The following SYNPO2 variants were observed in gnomAD, a reference collection of about 807,000 sequenced individuals.
The protein encoded by SYNPO2 is synaptopodin 2.
A neutral mutation model predicts 85.0 loss-of-function variants in SYNPO2; 56 were observed. The observed-to-expected ratio is 0.66, with a 90% CI of 0.53 to 0.82. SYNPO2 has a LOEUF of 0.82. Among genes scored for constraint, SYNPO2 ranks in the 40% least tolerant of loss-of-function variants. SYNPO2 has a pLI of 0.00. For synonymous variants in SYNPO2, 602 were observed against 591.1 expected (o/e 1.02, Z -0.27); for missense variants, 1,575 against 1,534.2 (o/e 1.03, Z -0.44).
At chr4:118,902,019 C>A (rs1325501718) in intron 1 of SYNPO2, among the ~76,000 whole-genome samples, 1 of 84,458 alleles carries the variant, frequency 1.2e-5, no homozygotes, top group Non-Finnish European at 2.4e-5. Flanking sequence ...CAGAAGTGTG[C>A]TTGGTATGGT....
chr4:118,943,516 C>A (rs1734392964), intron 1 of SYNPO2, among the ~76,000 whole-genome samples: 1 of 152,170 alleles, frequency 6.6e-6, no homozygotes, highest in Admixed American at 6.5e-5. Flanking sequence ...AAGTTGCTCT[C>A]TTTAAAATTT....
At chr4:118,861,904 T>C (rs1243448662) in intron 1 of SYNPO2, among the ~76,000 whole-genome samples, 1 of 152,192 alleles carries the variant, frequency 6.6e-6, no homozygotes, top group African/African-American at 2.4e-5. Flanking sequence ...CAATAGCGAT[T>C]GCATTAAATC....
At chr4:118,953,062 A>T (rs1272359672) in intron 1 of SYNPO2, among the ~76,000 whole-genome samples, 9 of 152,150 alleles carry the variant, frequency 5.9e-5, no homozygotes, top group South Asian at 4.1e-4. Flanking sequence ...AGAAAACAAG[A>T]TTATAGTTCC....
At chr4:118,856,986 C>A (rs1009502075) in intron 1 of SYNPO2, among the ~76,000 whole-genome samples, 1 of 151,918 alleles carries the variant, frequency 6.6e-6, no homozygotes, top group Non-Finnish European at 1.5e-5. Flanking sequence ...GCTCTTTATT[C>A]ATAAATGTAT....
intron 1 of SYNPO2, among the ~76,000 whole-genome samples, chr4:118,971,780 C>G (rs970479283): frequency 1.3e-5 from 2 of 152,200 alleles, no homozygotes; most frequent in Non-Finnish European, 2.9e-5. Flanking sequence ...AATAATGGCT[C>G]AATGACTCAG....
At chr4:118,863,230 A>G (rs1287491863) in intron 1 of SYNPO2, among the ~76,000 whole-genome samples, 3 of 152,076 alleles carry the variant, frequency 2.0e-5, no homozygotes, top group Non-Finnish European at 4.4e-5. Flanking sequence ...TTTGAGTAGG[A>G]TTTGTATTTG....
In SYNPO2 at chr4:119,030,661, C is replaced by G. The variant is rs372370554; in HGVS notation, c.1886C>G (p.Pro629Arg). ...CCTTACTCTGCAGTCACTCCTCCCCCTGACGCCTTCTCCAGAGGGGTTTCA... is the reference window on the plus strand; with the variant it reads ...CCTTACTCTGCAGTCACTCCTCCCCGTGACGCCTTCTCCAGAGGGGTTTCA... Reference protein sequence around the residue: ...PPPYSAVTPPPDAFSRGVSSP... With the variant: ...PPPYSAVTPPRDAFSRGVSSP... The change falls in exon 4 of 5, where the codon CCT becomes CGT. Residue 629 changes from proline to arginine, a missense_variant. This residue lies in a region of SYNPO2 where 1,508 missense variants were observed against 1,446.8 expected (regional missense o/e 1.04). Transcript: ENST00000307142. 4.3e-5 allele frequency: 69 copies of G among 1,614,080 alleles called. No individual in the cohort carries two copies. The highest frequency in any genetic ancestry group is 5.6e-5 in the Non-Finnish European group (66 of 1,180,040).
chr4:118,872,586 G>A (rs775526795), intron 1 of SYNPO2, among the ~76,000 whole-genome samples: 62 of 152,194 alleles, frequency 4.1e-4, no homozygotes, highest in Non-Finnish European at 1.0e-4. Flanking sequence ...TAACTTTTAC[G>A]CAGATAAGAC....
chr4:118,917,350 C>T lies in SYNPO2; in HGVS notation c.105+28209C>T, dbSNP rs1578548301. Reference sequence around the variant, plus strand: ...AGTTTGCAGTGAGCCAAGATCGCACCATTGGACTCTAGCCTGGGTAATAAG... The same window carrying T: ...AGTTTGCAGTGAGCCAAGATCGCACTATTGGACTCTAGCCTGGGTAATAAG... On this transcript the variant is annotated intron_variant, in intron 1 of 4. Coordinates refer to ENST00000307142, the MANE Select transcript of SYNPO2 (RefSeq NM_133477.3). Among the ~76,000 whole-genome samples the T allele has an allele frequency of 2.0e-5, 3 of 152,236 alleles. No individual in the cohort carries two copies. The East Asian group carries it at 5.8e-4, about 29-fold the overall frequency.
At position 119,026,721 on chromosome 4, in the gene SYNPO2, C is replaced by T. The variant is rs766607102; in HGVS notation, c.352C>T (p.Leu118=). Residue 118 remains leucine (L), a synonymous_variant, in exon 3 of 5, where the codon CTG becomes TTG. Transcript: ENST00000307142. ...THGGYVESTT[L]QIRPATKTQC... is the part of the protein sequence containing the mutation. ...TGGGGGTTATGTGGAAAGTACCACC[C>T]TGCAGATTCGACCGGCCACAAAGAC... 4 of 1,614,182 alleles carry T rather than the reference C, an allele frequency of 2.5e-6. No individual in the cohort carries two copies. The highest frequency in any genetic ancestry group is 1.6e-4 in the Middle Eastern group (1 of 6,062).
chr4:119,034,574 C>T (rs190359126), intron 4 of SYNPO2: 1 of 985,550 alleles, frequency 1.0e-6, no homozygotes, highest in East Asian at 1.1e-4. Flanking sequence ...ACAACTTCAG[C>T]TGGGCACTGG....
chr4:118,995,321 A>G (rs991008976), intron 1 of SYNPO2, among the ~76,000 whole-genome samples: 4 of 152,204 alleles, frequency 2.6e-5, no homozygotes, highest in Non-Finnish European at 5.9e-5. Flanking sequence ...ATATATTCCA[A>G]CTTGGATATA....
intron 1 of SYNPO2, among the ~76,000 whole-genome samples, chr4:118,989,787 G>A (rs985301764): frequency 6.6e-6 from 1 of 152,188 alleles, no homozygotes; most frequent in African/African-American, 2.4e-5. Context: ...GGGACTTGGT[G>A]GAGGAGGCCT....
intron 1 of SYNPO2, among the ~76,000 whole-genome samples, chr4:118,960,047 G>C (rs1274911764): frequency 6.6e-6 from 1 of 152,174 alleles, no homozygotes; most frequent in Non-Finnish European, 1.5e-5. Context: ...GACCACAGAG[G>C]TAGAGCTTGG....
At chr4:118,971,784 G>A (rs1735550249) in intron 1 of SYNPO2, among the ~76,000 whole-genome samples, 1 of 152,192 alleles carries the variant, frequency 6.6e-6, no homozygotes, top group Non-Finnish European at 1.5e-5. Flanking sequence ...ATGGCTCAAT[G>A]ACTCAGTCTC....
At chr4:118,895,180 T>A (rs1480429190) in intron 1 of SYNPO2, among the ~76,000 whole-genome samples, 1 of 152,176 alleles carries the variant, frequency 6.6e-6, no homozygotes. Context: ...ATTAAAACAG[T>A]CAACTTTAAT....
Position 119,060,043 on chromosome 4 carries a change from A to G in SYNPO2, c.*2109A>G, listed in dbSNP as rs572562826. 2.0e-5 allele frequency: 3 copies of G among 152,294 alleles called. No homozygotes were observed. The East Asian group carries it at 5.8e-4, about 29-fold the overall frequency. The allele number at this position is 152,294 out of a possible 1,614,324, so 9.4% of individuals were successfully genotyped here. A position where few individuals can be genotyped will look rare whatever the true frequency, so the allele number is the denominator to read the frequency against. ...TCATTTTAGATTTGAATGTTTTAAG[A>G]TAGGAGAGACTTAGCAGAAAATACT... On this transcript the variant is annotated 3_prime_UTR_variant, in exon 5 of 5. Transcript: ENST00000307142.
At chr4:119,008,477 T>A (rs768680153) in intron 1 of SYNPO2, among the ~76,000 whole-genome samples, 6 of 151,434 alleles carry the variant, frequency 4.0e-5, no homozygotes, top group Non-Finnish European at 8.8e-5. Flanking sequence ...TTGAATGAAA[T>A]GTCTTAGCAA....
chr4:119,014,934 C>A (rs1737470368), intron 1 of SYNPO2, among the ~76,000 whole-genome samples: 1 of 152,192 alleles, frequency 6.6e-6, no homozygotes, highest in Non-Finnish European at 1.5e-5. Flanking sequence ...TTGGCCCTGT[C>A]TTTTCCCCCA....
Sources: allele counts gnomAD v4.1 joint callset (sites outside exome capture counted in the v4.1 genomes callset), GRCh38; gene constraint gnomAD v4.1.1; regional missense constraint gnomAD v4.1.1; transcripts MANE v1.5; gene names NCBI Gene and HGNC (gene_info 2026-07-23, HGNC 2026-07-21).